PTPRF: variants seen among roughly 807,000 people sequenced by gnomAD.
PTPRF encodes protein tyrosine phosphatase receptor type F.
PTPRF carries 59 observed loss-of-function variants against 201.8 expected under a neutral mutation model. The ratio of observed to expected loss-of-function variants is 0.29; its 90% confidence interval spans 0.24 to 0.36. PTPRF has a LOEUF of 0.36. Among genes scored for constraint, PTPRF ranks in the 10% least tolerant of loss-of-function variants. The pLI is 1.00. For missense variants in PTPRF, 2,132 were observed against 2,690.5 expected (o/e 0.79, Z 4.59); for synonymous variants, 1,088 against 1,089.7 (o/e 1.00, Z 0.03).
At chr1:43,616,759 C>T (rs1657958380) in intron 23 of PTPRF, among the ~76,000 whole-genome samples, 1 of 152,092 alleles carries the variant, frequency 6.6e-6, no homozygotes, top group Non-Finnish European at 1.5e-5. Flanking sequence ...GTCAGAGAGG[C>T]TGCTGGGTAC....
intron 6 of PTPRF, among the ~76,000 whole-genome samples, chr1:43,573,361 C>A (rs74706712): frequency 6.6e-6 from 1 of 152,270 alleles, no homozygotes; most frequent in East Asian, 1.9e-4. Context: ...CATCCTTTGT[C>A]GTAGAGGACA....
intron 2 of PTPRF, among the ~76,000 whole-genome samples, chr1:43,541,740 G>A (rs949095771): frequency 6.6e-6 from 1 of 152,184 alleles, no homozygotes; most frequent in Admixed American, 6.5e-5. Flanking sequence ...TTACACTGAC[G>A]TAGCAAAGGA....
Position 43,553,644 on chromosome 1 carries a change from C to A in PTPRF, c.237+7C>A, listed in dbSNP as rs1001809546. ...CAGCTCCCAGCGCTTCGAGGTGCGT[C>A]TGTGGTGGGAAGGGGTCGGCAGGGC... On this transcript the variant is annotated splice_region_variant and intron_variant, in intron 4 of 33. Transcript: ENST00000359947. The surrounding 1 kb of genome is among the most constrained non-coding windows in gnomAD (Gnocchi z 4.1). 6 of 1,614,004 alleles carry A rather than the reference C, an allele frequency of 3.7e-6. No individual in the cohort carries two copies. The highest frequency in any genetic ancestry group is 2.2e-5 in the East Asian group (1 of 44,872).
intron 2 of PTPRF, among the ~76,000 whole-genome samples, chr1:43,543,346 A>C (rs983963723): frequency 1.3e-5 from 2 of 152,200 alleles, no homozygotes; most frequent in Non-Finnish European, 2.9e-5. Context: ...GGTCTCAGCC[A>C]CCTCAGCTCT....
In PTPRF at chr1:43,547,667, T is replaced by C. The variant is rs1323962918; in HGVS notation, c.91+2501T>C. Among the ~76,000 whole-genome samples the C allele has an allele frequency of 8.5e-5, 13 of 152,360 alleles. No individual in the cohort carries two copies. The East Asian group carries it at 2.5e-3, about 29-fold the overall frequency. On this transcript the variant is annotated intron_variant, in intron 3 of 33. Transcript: ENST00000359947. Reference sequence around the variant, plus strand: ...GAAGCGCGGAGTGGACAAATGTGTTTCAATAGGCCTCTTAACGAGACAAAT... The same window carrying C: ...GAAGCGCGGAGTGGACAAATGTGTTCCAATAGGCCTCTTAACGAGACAAAT...
At chr1:43,566,029 C>T (rs1646153029) in intron 5 of PTPRF, among the ~76,000 whole-genome samples, 1 of 152,204 alleles carries the variant, frequency 6.6e-6, no homozygotes. Flanking sequence ...TGGGTGCTTG[C>T]GACTGTCCAC....
chr1:43,566,126 C>T (rs1481019795), intron 5 of PTPRF, among the ~76,000 whole-genome samples: 3 of 152,122 alleles, frequency 2.0e-5, no homozygotes, highest in African/African-American at 4.8e-5. Flanking sequence ...TGAGCCGTGC[C>T]GGCCGAGGCG....
At chr1:43,581,782 C>T (rs897819938) in intron 7 of PTPRF, among the ~76,000 whole-genome samples, 6 of 152,310 alleles carry the variant, frequency 3.9e-5, no homozygotes, top group African/African-American at 1.4e-4. Context: ...AGAGAGGCTT[C>T]GAGGTTTCCT....
At position 43,605,435 on chromosome 1, in the gene PTPRF, G is replaced by C; in HGVS notation, c.3381G>C (p.Ser1127=). 6.2e-7 allele frequency: 1 copy of C among 1,608,892 alleles called. No individual in the cohort carries two copies. The highest frequency in any genetic ancestry group is 8.5e-7 in the Non-Finnish European group (1 of 1,175,704). ...DLSMPHVQDP[S]LVRWFYIVVV... ...CCATGCCCCATGTGCAAGACCCCTC[G>C]CTTGTCAGGTGTGCACACGAGGTAT... The change falls in exon 18 of 34, where the codon TCG becomes TCC. Residue 1127 remains serine, a synonymous_variant. Coordinates refer to ENST00000359947, the MANE Select transcript of PTPRF (RefSeq NM_002840.5).
Position 43,606,226 on chromosome 1 carries a change from C to T in PTPRF, c.3484-14C>T. The stretch of plus-strand genomic sequence containing the variant: ...TCCAAGGCCCCTCATGACCCCCATG[C>T]TCTGCTCTGCCAGCTTCTAGAAGCC... On this transcript the variant is annotated splice_polypyrimidine_tract_variant and intron_variant, in intron 19 of 33. Transcript: ENST00000359947. 1.2e-6 allele frequency: 2 copies of T among 1,608,258 alleles called. No individual in the cohort carries two copies.
rs760786106 is a variant in PTPRF, at chr1:43,597,994, A to G, written c.2060A>G (p.His687Arg). 1 of 1,537,792 alleles carries G rather than the reference A, an allele frequency of 6.5e-7. No individual in the cohort carries two copies. The change falls in exon 12 of 34, where the codon CAC (histidine) becomes CGC (arginine). Residue 687 changes from histidine to arginine, a missense_variant. Transcript: ENST00000359947. ...GAGTACCGGGTGTGGGTGCGGGCAC[A>G]CACAGACGTGGGCCCCGGCCCCGAG... ...WTEYRVWVRA[H>R]TDVGPGPESS...
At position 43,605,179 on chromosome 1, in the gene PTPRF, G is replaced by A. The variant is rs368959020; in HGVS notation, c.3136-11G>A. On this transcript the variant is annotated splice_polypyrimidine_tract_variant and intron_variant, in intron 17 of 33. Coordinates refer to ENST00000359947, the MANE Select transcript of PTPRF (RefSeq NM_002840.5). Reference sequence around the variant, plus strand: ...CCCAAAGGCATTGATTGCCCCTCCCGTCCCCCACAGATTCTGTACAATGGG... The same window carrying A: ...CCCAAAGGCATTGATTGCCCCTCCCATCCCCCACAGATTCTGTACAATGGG... The A allele has an allele frequency of 5.2e-5, 82 of 1,587,868 alleles. No individual in the cohort carries two copies. Among genetic ancestry groups the A allele is most frequent in the Admixed American group, 6.8e-5 (4 of 59,244 alleles).
chr1:43,532,491 G>C (rs573074384), intron 1 of PTPRF: 2 of 155,882 alleles, frequency 1.3e-5, no homozygotes, highest in South Asian at 4.0e-4. Context: ...GTCGGATCTG[G>C]CCTGAGAAGC....
At chr1:43,523,398 G>A (rs1214227678), upstream of PTPRF, among the ~76,000 whole-genome samples, 1 of 152,154 alleles carries the variant, frequency 6.6e-6, no homozygotes, top group Non-Finnish European at 1.5e-5. Flanking sequence ...CAGTAAGAAG[G>A]GGAAAGGCCA....
At chr1:43,611,961 T>C (rs1313597556) in intron 22 of PTPRF, among the ~76,000 whole-genome samples, 1 of 152,100 alleles carries the variant, frequency 6.6e-6, no homozygotes, top group Non-Finnish European at 1.5e-5. Context: ...TGAGAATAGA[T>C]GGGCTCTCCC....
intron 5 of PTPRF, among the ~76,000 whole-genome samples, chr1:43,564,532 C>G (rs773572375): frequency 6.6e-6 from 1 of 152,208 alleles, no homozygotes; most frequent in African/African-American, 2.4e-5. Flanking sequence ...GTGCTAGTCA[C>G]TGCAGGTGCC....
chr1:43,588,627 G>T lies in PTPRF; in HGVS notation c.680-104G>T. 6.9e-7 allele frequency: 1 copy of T among 1,456,302 alleles called. No individual in the cohort carries two copies. Among genetic ancestry groups the T allele is most frequent in the Non-Finnish European group, 9.3e-7 (1 of 1,079,764 alleles). 90.2% of individuals were successfully genotyped at this position (1,456,302 alleles called of 1,614,324 possible). ...CCACCCCTCCTGTCTCTGAGCATGGGTTTGGCTCTGACCAGAGGGGCTTCC... is the reference window on the plus strand; with the variant it reads ...CCACCCCTCCTGTCTCTGAGCATGGTTTTGGCTCTGACCAGAGGGGCTTCC... On this transcript the variant is annotated intron_variant, in intron 7 of 33. Coordinates refer to ENST00000359947, the MANE Select transcript of PTPRF (RefSeq NM_002840.5). This position sits in a 1 kb window ranked among gnomAD's most constrained non-coding sequence, Gnocchi z 5.3.
intron 5 of PTPRF, among the ~76,000 whole-genome samples, chr1:43,565,857 C>CGGGCACACGCA (rs1646134507): frequency 6.6e-6 from 1 of 152,116 alleles, no homozygotes. Flanking sequence ...TGCACGGACT[C>CGGGCACACGCA]GGGCACACGC....
intron 23 of PTPRF, among the ~76,000 whole-genome samples, chr1:43,616,606 T>G (rs1657921603): frequency 6.6e-6 from 1 of 151,892 alleles, no homozygotes; most frequent in Non-Finnish European, 1.5e-5. Flanking sequence ...ATTTTGAGCT[T>G]GACTTCTAGG....
Sources: allele counts gnomAD v4.1 joint callset (sites outside exome capture counted in the v4.1 genomes callset), GRCh38; gene constraint gnomAD v4.1.1; non-coding constraint Gnocchi (gnomAD v3.1); transcripts MANE v1.5; gene names NCBI Gene and HGNC (gene_info 2026-07-23, HGNC 2026-07-21).